ANK3: variants seen among roughly 807,000 people sequenced by gnomAD.
ANK3 encodes the protein ankyrin 3, also known as ankyrin-3.
In ANK3, 57 loss-of-function variants were observed where a neutral mutation model predicts 370.9. The observed-to-expected ratio is 0.15, with a 90% confidence interval of 0.12 to 0.19. ANK3 has a LOEUF of 0.19. ANK3 is among the 10% of genes least tolerant of loss of function. The pLI, the probability that ANK3 is intolerant of heterozygous loss-of-function variation, is 1.00. For missense variants in ANK3, 4,439 were observed against 5,302.1 expected, an observed-to-expected ratio of 0.84 and a Z score of 5.06; for synonymous variants, 1,929 against 1,946.3, an observed-to-expected ratio of 0.99 and a Z score of 0.23.
intron 1 of ANK3, among the ~76,000 whole-genome samples, chr10:60,618,760 C>T (rs1239836936): frequency 6.6e-6 from 1 of 152,080 alleles, no homozygotes; most frequent in Non-Finnish European, 1.5e-5. Context: ...GGCCCATCCG[C>T]TTTCCTTTTC....
intron 2 of ANK3, among the ~76,000 whole-genome samples, chr10:60,611,610 C>T (rs542675033): frequency 6.6e-6 from 1 of 152,074 alleles, no homozygotes; most frequent in South Asian, 2.1e-4. Context: ...CAGACTTTGC[C>T]TGATATGCTG....
At chr10:60,138,768 TC>T (rs1420303531) in intron 24 of ANK3, 195 bp downstream of exon 24, 6 of 661,648 alleles carry the variant, frequency 9.1e-6, no homozygotes, top group Non-Finnish European at 1.5e-5. Flanking sequence ...ACATGTTCAA[TC>T]ACATGAAATT....
At chr10:60,604,273 A>G (rs942609143) in intron 2 of ANK3, among the ~76,000 whole-genome samples, 25 of 152,184 alleles carry the variant, frequency 1.6e-4, no homozygotes, top group African/African-American at 5.8e-4. Context: ...TGACATCATC[A>G]TGTTTTTATA....
intron 1 of ANK3, among the ~76,000 whole-genome samples, chr10:60,388,638 C>A (rs571812295): frequency 2.0e-5 from 3 of 152,266 alleles, no homozygotes; most frequent in Admixed American, 2.0e-4. Context: ...TAAATCACCA[C>A]TGACCCAGAA....
At chr10:60,249,077 T>C (rs1274058934) in intron 7 of ANK3, among the ~76,000 whole-genome samples, 1 of 152,186 alleles carries the variant, frequency 6.6e-6, no homozygotes, top group Admixed American at 6.5e-5. Flanking sequence ...GATGTCACTA[T>C]CAAAGCTCAA....
intron 1 of ANK3, among the ~76,000 whole-genome samples, chr10:60,731,779 C>A (rs186989877): frequency 1.9e-4 from 29 of 152,314 alleles, no homozygotes; most frequent in Admixed American, 5.2e-4. Flanking sequence ...ATAAAGCCTA[C>A]CTGCCCTGAC....
At chr10:60,387,763 A>C (rs2062610038) in intron 1 of ANK3, among the ~76,000 whole-genome samples, 1 of 152,184 alleles carries the variant, frequency 6.6e-6, no homozygotes, top group South Asian at 2.1e-4. Flanking sequence ...CAGCTCATTG[A>C]GTCCAGAAAC....
At chr10:60,302,855 C>A (rs1361068129) in intron 1 of ANK3, among the ~76,000 whole-genome samples, 11 of 150,626 alleles carry the variant, frequency 7.3e-5, no homozygotes, top group Admixed American at 5.9e-4. Context: ...AAAAAAAAAA[C>A]CCAGACAATT....
intron 2 of ANK3, among the ~76,000 whole-genome samples, chr10:60,578,533 C>T (rs1488119780): frequency 1.3e-5 from 2 of 152,068 alleles, no homozygotes; most frequent in Non-Finnish European, 2.9e-5. Flanking sequence ...AAAGATATTC[C>T]CTTGCTTTGT....
intron 2 of ANK3, among the ~76,000 whole-genome samples, chr10:60,488,491 C>T (rs966611806): frequency 2.6e-5 from 4 of 152,072 alleles, no homozygotes; most frequent in African/African-American, 9.7e-5. Flanking sequence ...CAGAGTTGTG[C>T]AACCATCATA....
chr10:60,532,496 G>A (rs2076629154), intron 2 of ANK3, among the ~76,000 whole-genome samples: 1 of 152,122 alleles, frequency 6.6e-6, no homozygotes, highest in Admixed American at 6.5e-5. Context: ...AAGAAATGCT[G>A]GAGGAACATT....
chr10:60,333,918 T>C (rs1003594425), intron 1 of ANK3, among the ~76,000 whole-genome samples: 1 of 152,236 alleles, frequency 6.6e-6, no homozygotes, highest in African/African-American at 2.4e-5. Flanking sequence ...ATTCTGAACC[T>C]GGGATACTAT....
intron 2 of ANK3, among the ~76,000 whole-genome samples, chr10:60,513,577 G>A (rs988517109): frequency 6.6e-6 from 1 of 152,012 alleles, no homozygotes; most frequent in Non-Finnish European, 1.5e-5. Context: ...AAAAGAAAAG[G>A]TTGGTAAAAT....
chr10:60,215,450 T>A (rs2132466314), intron 8 of ANK3, among the ~76,000 whole-genome samples: 1 of 152,334 alleles, frequency 6.6e-6, no homozygotes, highest in South Asian at 2.1e-4. Context: ...ACGTGCTGAA[T>A]GCTATTGCCT....
chr10:60,708,397 A>T (rs2079649971), intron 1 of ANK3, among the ~76,000 whole-genome samples: 1 of 152,226 alleles, frequency 6.6e-6, no homozygotes, highest in Non-Finnish European at 1.5e-5. Context: ...AGAAATGGTC[A>T]AAACAGAACC....
intron 2 of ANK3, among the ~76,000 whole-genome samples, chr10:60,439,129 A>G (rs982297657): frequency 7.9e-5 from 12 of 152,214 alleles, no homozygotes; most frequent in African/African-American, 2.9e-4. Flanking sequence ...TGTTGAAATT[A>G]TTAAGAAATG....
chr10:60,438,250 C>CATAT (rs748162743), intron 2 of ANK3, among the ~76,000 whole-genome samples: 3 of 151,194 alleles, frequency 2.0e-5, no homozygotes, highest in Admixed American at 2.0e-4. Flanking sequence ...CATATAAATA[C>CATAT]ATATATATAT....
chr10:60,635,424 T>C (rs1422684882), intron 1 of ANK3, among the ~76,000 whole-genome samples: 5 of 152,048 alleles, frequency 3.3e-5, no homozygotes, highest in South Asian at 2.1e-4. Context: ...ATCTATAAAA[T>C]TAGATTGAAT....
At chr10:60,670,408 G>A (rs7096730) in intron 1 of ANK3, among the ~76,000 whole-genome samples, 1,783 of 151,858 alleles carry the variant, frequency 0.012, 32 homozygotes, top group African/African-American at 0.04. Context: ...CTCACACCTC[G>A]CTTATCACCA....
Sources: allele counts gnomAD v4.1 joint callset (sites outside exome capture counted in the v4.1 genomes callset), GRCh38; gene constraint gnomAD v4.1.1; transcripts MANE v1.5; gene names NCBI Gene and HGNC (gene_info 2026-07-23, HGNC 2026-07-21).